The following CADM2 variants were observed in gnomAD, a reference collection of about 807,000 sequenced individuals.
CADM2 encodes cell adhesion molecule 2.
A neutral mutation model predicts 49.8 loss-of-function variants in CADM2; 12 were observed. That is an observed-to-expected ratio of 0.24 (90% CI 0.15 to 0.39). The LOEUF (loss-of-function observed/expected upper bound fraction) is 0.39, where lower values mean the gene tolerates loss of function less well. Among genes scored for constraint, CADM2 ranks in the 10% least tolerant of loss-of-function variants. The pLI, the probability that CADM2 is intolerant of heterozygous loss-of-function variation, is 1.00. For missense variants in CADM2, 378 were observed against 492.3 expected (o/e 0.77, Z 2.20); for synonymous variants, 214 against 175.4 (o/e 1.22, Z -1.74).
chr3:85,011,944 A>C (rs574983105), intron 1 of CADM2, among the ~76,000 whole-genome samples: 1 of 152,288 alleles, frequency 6.6e-6, no homozygotes, highest in Admixed American at 6.5e-5. Flanking sequence ...TTTGAATGAA[A>C]ATACCGTTTA....
rs1424483134 is a variant in CADM2, at chr3:85,257,556, G to A, written c.61+297888G>A. ...CTATTCTTCAAATTTTGAAGGTAAT[G>A]AGAAGTATTATTTTCAGTATCTAAA... On this transcript the variant is annotated intron_variant, in intron 1 of 9. Coordinates refer to ENST00000383699, the MANE Select transcript of CADM2 (RefSeq NM_001167675.2). 2.0e-5 allele frequency among the ~76,000 whole-genome samples: 3 copies of A among 152,214 alleles called. No individual in the cohort carries two copies. In the East Asian group the frequency reaches 5.8e-4, roughly 29 times the overall value.
chr3:85,909,187 C>G (rs1717224250), intron 5 of CADM2, among the ~76,000 whole-genome samples: 1 of 152,090 alleles, frequency 6.6e-6, no homozygotes, highest in African/African-American at 2.4e-5. Context: ...CAGTCAGTTT[C>G]CCACATGACT....
intron 1 of CADM2, among the ~76,000 whole-genome samples, chr3:85,174,233 T>C (rs1380812187): frequency 6.6e-6 from 1 of 152,162 alleles, no homozygotes; most frequent in Non-Finnish European, 1.5e-5. Context: ...GTCTAATCCT[T>C]CTTTCACATA....
At chr3:85,821,201 C>T (rs1329944884) in intron 3 of CADM2, among the ~76,000 whole-genome samples, 2 of 152,080 alleles carry the variant, frequency 1.3e-5, no homozygotes, top group Non-Finnish European at 2.9e-5. Flanking sequence ...CTTGTTCAGC[C>T]TCAGAATCCC....
intron 1 of CADM2, among the ~76,000 whole-genome samples, chr3:85,585,164 A>G (rs79465076): frequency 0.081 from 12,248 of 151,748 alleles, 957 homozygotes; most frequent in African/African-American, 0.18. Flanking sequence ...CAGCATATCC[A>G]CTCTGTTGAA....
intron 1 of CADM2, among the ~76,000 whole-genome samples, chr3:85,523,102 A>G (rs192930999): frequency 2.6e-3 from 401 of 152,266 alleles, no homozygotes; most frequent in Non-Finnish European, 4.5e-3. Flanking sequence ...TATATTGCCT[A>G]CAAGCTGTAA....
At position 85,602,586 on chromosome 3, in the gene CADM2, A is replaced by T. The variant is rs1368487867; in HGVS notation, c.62-123936A>T. On this transcript the variant is annotated intron_variant, in intron 1 of 9. Coordinates refer to ENST00000383699, the MANE Select transcript of CADM2 (RefSeq NM_001167675.2). ...ACCAAAAAGGCCCTAGGTCTCTCTT[A>T]GTGTGGTTGCTGGGCATGTGATTTT... 3.1e-4 allele frequency among the ~76,000 whole-genome samples: 47 copies of T among 151,754 alleles called. No individual in the cohort carries two copies. The Admixed American group carries it at 3.1e-3, about 10-fold the overall frequency.
intron 1 of CADM2, among the ~76,000 whole-genome samples, chr3:85,266,302 A>C (rs563172166): frequency 6.6e-6 from 1 of 152,048 alleles, no homozygotes; most frequent in Non-Finnish European, 1.5e-5. Context: ...AATAAAAGTA[A>C]ATGAATTCAA....
At position 85,803,500 on chromosome 3, in the gene CADM2, A is replaced by G. The variant is rs62261717; in HGVS notation, c.238+1304A>G. Among the ~76,000 whole-genome samples the G allele has an allele frequency of 2.1e-3, 311 of 149,546 alleles. 1 individual carries two copies. The highest frequency in any genetic ancestry group is 6.5e-3 in the African/African-American group (265 of 40,460). ...AAACAGACAGATAGATAGATAGATA[A>G]ATAGATAGATAGATAGATAGATAGA... On this transcript the variant is annotated intron_variant, in intron 3 of 9. Transcript: ENST00000383699.
At chr3:85,836,005 C>T (rs2074393136) in intron 3 of CADM2, among the ~76,000 whole-genome samples, 1 of 151,350 alleles carries the variant, frequency 6.6e-6, no homozygotes, top group Non-Finnish European at 1.5e-5. Flanking sequence ...GACTTTCATA[C>T]AGGCTGCTAT....
chr3:85,207,834 G>A (rs925309079), intron 1 of CADM2, among the ~76,000 whole-genome samples: 1 of 152,106 alleles, frequency 6.6e-6, no homozygotes, highest in Non-Finnish European at 1.5e-5. Context: ...TTGATAAACT[G>A]TATCTCTTGA....
At chr3:85,898,124 A>G (rs920957871) in intron 5 of CADM2, among the ~76,000 whole-genome samples, 13 of 152,208 alleles carry the variant, frequency 8.5e-5, no homozygotes, top group Admixed American at 2.6e-4. Context: ...TGTTAAACGC[A>G]GTACCTCAAG....
rs527398044 is a variant in CADM2 at position 85,949,220 on chromosome 3, A to G, written c.792-12249A>G. The stretch of plus-strand genomic sequence containing the variant: ...GACTTTTTTTTAAAAAGAAAATAAT[A>G]GAAAAGGAAAATGTAGAAAAGAAGA... On this transcript the variant is annotated intron_variant, in intron 7 of 9. Coordinates refer to ENST00000383699, the MANE Select transcript of CADM2 (RefSeq NM_001167675.2). Among the ~76,000 whole-genome samples the G allele has an allele frequency of 1.1e-4, 17 of 151,588 alleles. No individual in the cohort carries two copies. The South Asian group carries it at 3.5e-3, about 31-fold the overall frequency.
intron 1 of CADM2, among the ~76,000 whole-genome samples, chr3:84,988,296 T>C (rs1488946624): frequency 1.3e-5 from 2 of 152,268 alleles, no homozygotes; most frequent in African/African-American, 2.4e-5. Flanking sequence ...TTTTTCCTAC[T>C]TCTATTTCCT....
At chr3:85,303,922 C>T (rs1411287141) in intron 1 of CADM2, among the ~76,000 whole-genome samples, 1 of 151,832 alleles carries the variant, frequency 6.6e-6, no homozygotes, top group Non-Finnish European at 1.5e-5. Context: ...CAAACACCTC[C>T]GAACAAATTA....
chr3:85,468,877 G>C (rs1048098083), intron 1 of CADM2, among the ~76,000 whole-genome samples: 25 of 152,192 alleles, frequency 1.6e-4, no homozygotes, highest in African/African-American at 5.8e-4. Flanking sequence ...CAGCCCCTGG[G>C]AGAATGTAGA....
chr3:85,700,274 G>C (rs2066713793), intron 1 of CADM2, among the ~76,000 whole-genome samples: 1 of 152,056 alleles, frequency 6.6e-6, no homozygotes, highest in Non-Finnish European at 1.5e-5. Flanking sequence ...TCATAAATGG[G>C]AGTTGAACAA....
intron 2 of CADM2, among the ~76,000 whole-genome samples, chr3:85,800,611 C>T (rs145759739): frequency 6.6e-6 from 1 of 152,276 alleles, no homozygotes; most frequent in East Asian, 1.9e-4. Context: ...GGCCAGATAG[C>T]ACCATCCCTT....
At chr3:86,004,751 A>T (rs1730580402) in intron 8 of CADM2, among the ~76,000 whole-genome samples, 1 of 152,144 alleles carries the variant, frequency 6.6e-6, no homozygotes, top group Non-Finnish European at 1.5e-5. Flanking sequence ...CCTACTCTCC[A>T]TAGCAGCATG....
Sources: gnomAD v4.1 joint callset for allele counts (sites outside exome capture counted in the v4.1 genomes callset) on GRCh38, gnomAD v4.1.1 for gene constraint, MANE v1.5 for transcripts, NCBI Gene and HGNC (gene_info 2026-07-23, HGNC 2026-07-21) for gene names.